DST: variants seen among roughly 807,000 people sequenced by gnomAD.
DST encodes dystonin.
A neutral mutation model predicts 875.2 loss-of-function variants in DST; 253 were observed. That is an observed-to-expected ratio of 0.29 (90% confidence interval 0.26 to 0.32). The LOEUF (loss-of-function observed/expected upper bound fraction) is 0.32. DST is among the 10% of genes least tolerant of loss of function. DST has a pLI of 1.00. For synonymous variants in DST, 3,124 were observed against 3,197.1 expected, an observed-to-expected ratio of 0.98 and a Z score of 0.77; for missense variants, 8,287 against 9,111.6, an observed-to-expected ratio of 0.91 and a Z score of 3.68.
chr6:56,797,969 A>G (rs1475457341), intron 4 of DST, among the ~76,000 whole-genome samples: 1 of 152,194 alleles, frequency 6.6e-6, no homozygotes, highest in Non-Finnish European at 1.5e-5. Flanking sequence ...CTTCAATTCT[A>G]TGAAGGCTGA....
intron 2 of DST, among the ~76,000 whole-genome samples, chr6:56,952,388 A>C (rs1822803786): frequency 6.6e-6 from 1 of 152,182 alleles, no homozygotes; most frequent in African/African-American, 2.4e-5. Context: ...TCAAAATCTT[A>C]TATTTTGGTG....
intron 4 of DST, among the ~76,000 whole-genome samples, chr6:56,741,886 CT>C (rs1278810051): frequency 6.6e-6 from 1 of 152,076 alleles, no homozygotes; most frequent in African/African-American, 2.4e-5. Flanking sequence ...TTATATCCCC[CT>C]TATAAAGTGT....
chr6:56,644,984 G>A (rs1347248913), intron 15 of DST, among the ~76,000 whole-genome samples: 5 of 152,180 alleles, frequency 3.3e-5, no homozygotes, highest in Non-Finnish European at 5.9e-5. Flanking sequence ...TTTGTAAATG[G>A]GAGTTCCCCT....
intron 23 of DST, among the ~76,000 whole-genome samples, chr6:56,636,140 A>C (rs1220255590): frequency 6.6e-6 from 1 of 151,966 alleles, no homozygotes; most frequent in Admixed American, 6.6e-5. Context: ...ATGATATCTT[A>C]AGAATTTTTA....
intron 85 of DST, 53 bp from the exon 86 acceptor site, chr6:56,489,662 G>T: frequency 1.3e-6 from 2 of 1,542,936 alleles, no homozygotes; most frequent in South Asian, 1.2e-5. Context: ...TATTATACTT[G>T]AGATCTAGCA....
At chr6:56,871,530 A>C (rs1177818144) in intron 3 of DST, 5 of 1,297,108 alleles carry the variant, frequency 3.9e-6, no homozygotes. Flanking sequence ...TTCTCTGGTC[A>C]TTGAGCATAT....
chr6:56,642,782 T>C, intron 15 of DST: 1 of 1,614,030 alleles, frequency 6.2e-7, no homozygotes, highest in South Asian at 1.1e-5. Context: ...TAACTACTAC[T>C]GTGCATTTTT....
Position 56,508,666 on chromosome 6 carries a change from T to C in DST, c.19102A>G (p.Met6368Val), listed in dbSNP as rs777687282. ...EEREAKLLDV[M>V]ELAEKFWCDH... ...CACCAGAACTTTTCTGCTAGCTCCA[T>C]CACATCCAGTAGTTTGGCTTCCCTC... is the stretch of plus-strand genomic sequence containing the variant. Residue 6368 changes from methionine to valine, a missense_variant, in exon 75 of 104, where the codon ATG (methionine) becomes GTG (valine). Met to Val is a conservative substitution (Grantham distance 21). This residue lies in a region of DST where 1,292 missense variants were observed against 1,552.7 expected (regional missense o/e 0.83). Transcript: ENST00000680361. 1.2e-6 allele frequency: 2 copies of C among 1,613,852 alleles called. No homozygotes were observed. Among genetic ancestry groups the C allele is most frequent in the Non-Finnish European group, 8.5e-7 (1 of 1,179,800 alleles).
intron 61 of DST, among the ~76,000 whole-genome samples, chr6:56,545,018 T>A (rs1218998564): frequency 6.6e-6 from 1 of 152,100 alleles, no homozygotes; most frequent in Non-Finnish European, 1.5e-5. Context: ...TCCATCACAT[T>A]TTCTTTTTTT....
At chr6:56,953,865 T>C in intron 1 of DST, 46 bp from the exon 2 acceptor site, 1 of 1,279,960 alleles carries the variant, frequency 7.8e-7, no homozygotes, top group Non-Finnish European at 1.0e-6. Context: ...CTCCTTGTTC[T>C]TCACCTACCG....
At chr6:56,750,823 C>T (rs1359275528) in intron 4 of DST, among the ~76,000 whole-genome samples, 3 of 152,146 alleles carry the variant, frequency 2.0e-5, no homozygotes, top group Non-Finnish European at 1.5e-5. Context: ...CTGGTATAAC[C>T]TTTCCAGAAT....
chr6:56,639,202 T>C, intron 22 of DST, 57 bp downstream of exon 22: 1 of 1,403,062 alleles, frequency 7.1e-7, no homozygotes, highest in South Asian at 1.2e-5. Flanking sequence ...TAAAAGAATC[T>C]GAAGGGAAAT....
intron 3 of DST, among the ~76,000 whole-genome samples, chr6:56,853,560 C>T (rs544956482): frequency 1.2e-4 from 18 of 151,242 alleles, no homozygotes; most frequent in African/African-American, 4.2e-4. Flanking sequence ...TTTCTTGTTA[C>T]CTGTACTATT....
intron 37 of DST, 47 bp downstream of exon 37, chr6:56,614,309 C>A: frequency 6.6e-7 from 1 of 1,517,414 alleles, no homozygotes; most frequent in South Asian, 1.4e-5. Context: ...ACTCAGTTAA[C>A]GTCCCTGCTA....
rs774247228 is a variant in DST at position 56,557,385 on chromosome 6, C to T, written c.14574G>A (p.Met4858Ile). The change falls in exon 59 of 104, where the codon ATG becomes ATA. Residue 4858 changes from methionine (M) to isoleucine (I), a missense_variant. Around this residue, in one of 10 missense-constraint regions of DST, gnomAD observed 1,513 missense variants for 1,677.8 expected, o/e 0.90. Transcript: ENST00000680361. The stretch of plus-strand genomic sequence containing the variant: ...TTGACAAGGGCCCAAGAACACTGAC[C>T]ATAAGTTCTTTTTCCACAAGCCACT... Reference protein sequence around the residue: ...LKQWLVEKELMVSVLGPLSID... With the variant: ...LKQWLVEKELIVSVLGPLSID... The T allele has an allele frequency of 3.1e-6, 5 of 1,613,680 alleles. No homozygotes were observed. Among genetic ancestry groups the T allele is most frequent in the Non-Finnish European group, 4.2e-6 (5 of 1,179,722 alleles).
chr6:56,614,272 A>T, intron 37 of DST, 84 bp downstream of exon 37: 2 of 1,264,730 alleles, frequency 1.6e-6, no homozygotes, highest in Non-Finnish European at 2.1e-6. Context: ...GGTAAAAATT[A>T]AACATTGTGC....
At chr6:56,791,347 A>C (rs573422915) in intron 4 of DST, among the ~76,000 whole-genome samples, 65 of 152,322 alleles carry the variant, frequency 4.3e-4, no homozygotes, top group African/African-American at 1.3e-3. Context: ...TGTAGGTGAG[A>C]GCAATTAGAT....
In DST at chr6:56,711,867, G is replaced by A. The variant is rs563216954; in HGVS notation, c.688-7498C>T. On this transcript the variant is annotated intron_variant, in intron 5 of 103. Transcript: ENST00000680361. ...AGCACTTTGGGAGGCCGAGGCGGGCGGATCACGAGGTCAGGAGATCGAGAC... is the reference window on the plus strand; with the variant it reads ...AGCACTTTGGGAGGCCGAGGCGGGCAGATCACGAGGTCAGGAGATCGAGAC... Among the ~76,000 whole-genome samples, 6 of 151,898 alleles carry A rather than the reference G, an allele frequency of 4.0e-5. No individual in the cohort carries two copies. The South Asian group carries it at 1.0e-3, about 26-fold the overall frequency.
chr6:56,618,770 C>A, intron 36 of DST: 1 of 1,614,100 alleles, frequency 6.2e-7, no homozygotes, highest in South Asian at 1.1e-5. Context: ...CATCTTCTTC[C>A]GAAACTCCTC....
Sources: allele counts gnomAD v4.1 joint callset (sites outside exome capture counted in the v4.1 genomes callset), GRCh38; gene constraint gnomAD v4.1.1; regional missense constraint gnomAD v4.1.1; transcripts MANE v1.5; gene names NCBI Gene and HGNC (gene_info 2026-07-23, HGNC 2026-07-21).